LARGE1: variants seen among roughly 807,000 people sequenced by gnomAD.
The protein encoded by LARGE1 is xylosyl- and glucuronyltransferase LARGE1.
Under a neutral mutation model 87.6 loss-of-function variants are expected in LARGE1, and 43 were observed. That is an observed-to-expected ratio of 0.49 (90% CI 0.38 to 0.63). LARGE1 has a LOEUF of 0.63. LARGE1 is among the 30% of genes least tolerant of loss of function. The probability of loss-of-function intolerance (pLI) is 0.00; values close to 1 mark genes in which losing one functional copy is unlikely to be tolerated. For synonymous variants in LARGE1, 434 were observed against 394.6 expected, an observed-to-expected ratio of 1.10 and a Z score of -1.18; for missense variants, 802 against 1,000.2, an observed-to-expected ratio of 0.80 and a Z score of 2.67.
chr22:33,229,144 C>T (rs867797135), intron 11 of LARGE1, among the ~76,000 whole-genome samples: 60 of 152,304 alleles, frequency 3.9e-4, no homozygotes, highest in Middle Eastern at 6.8e-3. Context: ...AAGACAAAAT[C>T]TGTTTTGAAA....
chr22:33,743,818 A>T (rs2083978906), intron 2 of LARGE1, among the ~76,000 whole-genome samples: 1 of 152,208 alleles, frequency 6.6e-6, no homozygotes, highest in African/African-American at 2.4e-5. Flanking sequence ...CAGTAATTTG[A>T]CTTGCACAAG....
intron 11 of LARGE1, among the ~76,000 whole-genome samples, chr22:33,229,453 A>G (rs1602120962): frequency 1.3e-5 from 2 of 152,228 alleles, no homozygotes; most frequent in South Asian, 4.1e-4. Flanking sequence ...TAATATGAAT[A>G]TTTTAAAAAT....
intron 3 of LARGE1, 50 bp from the exon 4 acceptor site, chr22:33,626,376 C>A (rs768115114): frequency 7.0e-7 from 1 of 1,428,486 alleles, no homozygotes; most frequent in South Asian, 1.2e-5. Flanking sequence ...GGAAGGAGGC[C>A]TTCCTGGTGC....
At chr22:33,301,402 C>T (rs908209386) in intron 12 of LARGE1, among the ~76,000 whole-genome samples, 22 of 152,032 alleles carry the variant, frequency 1.4e-4, no homozygotes, top group South Asian at 2.1e-4. Flanking sequence ...CATATTTTGT[C>T]GGCCTCAACA....
At chr22:33,695,801 T>A (rs1193734731) in intron 2 of LARGE1, among the ~76,000 whole-genome samples, 1 of 152,208 alleles carries the variant, frequency 6.6e-6, no homozygotes, top group East Asian at 1.9e-4. Context: ...TGACAATGCA[T>A]ACTCCTATGT....
At chr22:33,228,920 C>T (rs1247113924) in intron 11 of LARGE1, among the ~76,000 whole-genome samples, 8 of 152,026 alleles carry the variant, frequency 5.3e-5, no homozygotes, top group Admixed American at 2.0e-4. Flanking sequence ...GTAACACAGA[C>T]CCTTGCATAA....
chr22:33,127,179 G>C, the LARGE1 span, among the ~76,000 whole-genome samples: 8 of 152,310 alleles, frequency 5.3e-5, no homozygotes, highest in East Asian at 1.5e-3. Context: ...GAGCAAGTGA[G>C]GAGGACCCAG....
At chr22:33,485,367 C>A (rs897230231) in intron 6 of LARGE1, among the ~76,000 whole-genome samples, 12 of 152,004 alleles carry the variant, frequency 7.9e-5, no homozygotes, top group African/African-American at 2.9e-4. Flanking sequence ...GCACGGGCCA[C>A]CACACCCAGC....
chr22:33,886,663 AAAAAAAAAAAAG>A (rs1288765639), intron 1 of LARGE1, among the ~76,000 whole-genome samples: 5 of 148,206 alleles, frequency 3.4e-5, no homozygotes, highest in African/African-American at 2.5e-5. Context: ...TGCCAAAAAA[AAAAAAAAAAAAG>A]AAAAAAAAAG....
chr22:33,307,774 T>TC (rs1250715507), intron 11 of LARGE1, among the ~76,000 whole-genome samples: 1 of 151,580 alleles, frequency 6.6e-6, no homozygotes, highest in Non-Finnish European at 1.5e-5. Flanking sequence ...CTTTTTCTTT[T>TC]CTTTTTTTTT....
chr22:33,337,058 C>CA (rs557329106), intron 10 of LARGE1, among the ~76,000 whole-genome samples: 5,514 of 67,314 alleles, frequency 0.082, 167 homozygotes, highest in African/African-American at 0.14. Context: ...GAAACTCTGT[C>CA]AAAAAAAAAA....
rs370669045 is a variant in LARGE1, at chr22:33,458,400, G to A, written c.788-26135C>T. On this transcript the variant is annotated intron_variant, in intron 6 of 14. Transcript: ENST00000397394. Reference sequence around the variant, plus strand: ...ATTACAGGCGTGAGCCACCGTGCCCGGCCAAAAATGTCTATTTTTACTGTT... The same window carrying A: ...ATTACAGGCGTGAGCCACCGTGCCCAGCCAAAAATGTCTATTTTTACTGTT... Among the ~76,000 whole-genome samples the A allele has an allele frequency of 5.1e-3, 728 of 143,106 alleles. 3 individuals carry two copies. The highest frequency in any genetic ancestry group is 0.017 in the East Asian group (77 of 4,640). The allele number at this position is 143,106 out of a possible 152,430, so 93.9% of individuals were successfully genotyped here. A position where few individuals can be genotyped will look rare whatever the true frequency, so the allele number is the denominator to read the frequency against.
At position 33,801,479 on chromosome 22, in the gene LARGE1, G is replaced by A. The variant is rs372754978; in HGVS notation, c.-82-39921C>T. On this transcript the variant is annotated intron_variant, in intron 1 of 14. Transcript: ENST00000397394. ...GATGTTGTTGAGCATCTTTTCATGC[G>A]CTTATTTCCCATCTGTGTATTTTCC... Among the ~76,000 whole-genome samples the A allele has an allele frequency of 3.1e-4, 47 of 152,136 alleles. 3 individuals are homozygous for A. The highest frequency in any genetic ancestry group is 2.5e-3 in the East Asian group (13 of 5,164).
At chr22:33,665,800 G>A (rs1377395134) in intron 2 of LARGE1, among the ~76,000 whole-genome samples, 2 of 152,092 alleles carry the variant, frequency 1.3e-5, no homozygotes, top group Non-Finnish European at 2.9e-5. Flanking sequence ...GCTGAGGCAG[G>A]AGAATGGTGT....
intron 1 of LARGE1, among the ~76,000 whole-genome samples, chr22:33,792,001 T>C (rs550811532): frequency 7.9e-5 from 12 of 152,340 alleles, no homozygotes; most frequent in African/African-American, 2.6e-4. Context: ...TGTTCCCTTT[T>C]CTATGTGAGA....
chr22:33,256,229 A>T (rs1450115524), intron 11 of LARGE1, among the ~76,000 whole-genome samples: 2 of 152,206 alleles, frequency 1.3e-5, no homozygotes, highest in Non-Finnish European at 2.9e-5. Flanking sequence ...GATAGAAGAG[A>T]TTCTCAGGCA....
chr22:33,712,384 T>C (rs1377631052), intron 2 of LARGE1, among the ~76,000 whole-genome samples: 2 of 152,002 alleles, frequency 1.3e-5, no homozygotes, highest in African/African-American at 4.8e-5. Flanking sequence ...AGAAGACGGA[T>C]CACAGGCTCG....
chr22:33,633,110 T>C (rs149934982), intron 3 of LARGE1, among the ~76,000 whole-genome samples: 1 of 152,322 alleles, frequency 6.6e-6, no homozygotes, highest in East Asian at 1.9e-4. Context: ...GAGTTGCCAG[T>C]GTTCCAGGAC....
chr22:33,233,300 G>C (rs1926100507), intron 11 of LARGE1, among the ~76,000 whole-genome samples: 3 of 152,020 alleles, frequency 2.0e-5, no homozygotes, highest in Admixed American at 6.6e-5. Context: ...TGATGATGAT[G>C]ATAATGATGA....
Sources: allele counts gnomAD v4.1 joint callset (sites outside exome capture counted in the v4.1 genomes callset), GRCh38; gene constraint gnomAD v4.1.1; transcripts MANE v1.5; gene names NCBI Gene and HGNC (gene_info 2026-07-23, HGNC 2026-07-21).